Variants in MICALL2 observed in about 807,000 individuals in gnomAD.
MICALL2 encodes the protein MICAL-like protein 2.
MICALL2 carries 111 observed loss-of-function variants against 91.1 expected under a neutral mutation model. The observed-to-expected ratio is 1.22, with a 90% CI of 1.04 to 1.43. The LOEUF is 1.43. Among genes scored for constraint, MICALL2 ranks in the 40% most tolerant of loss-of-function variants. MICALL2 has a pLI of 0.00. For missense variants in MICALL2, 1,556 were observed against 1,236.0 expected (o/e 1.26, Z -3.88); for synonymous variants, 694 against 525.3 (o/e 1.32, Z -4.39).
Position 1,451,163 on chromosome 7 carries a change from G to A in MICALL2, c.144-875C>T, listed in dbSNP as rs1379100813. On this transcript the variant is annotated intron_variant, in intron 1 of 16. Transcript: ENST00000297508. The surrounding 1 kb of genome is among the most constrained non-coding windows in gnomAD (Gnocchi z 4.5). ...CCGAGGTGAGGTCCCCGGCCAGCCT[G>A]GACAGCAGGGCCCTTCTGGGGACGC... 6.6e-6 allele frequency among the ~76,000 whole-genome samples: 1 copy of A among 151,718 alleles called. No homozygotes were observed. The highest frequency in any genetic ancestry group is 2.4e-5 in the African/African-American group (1 of 41,284).
chr7:1,439,250 T>G (rs1410781340), intron 9 of MICALL2: 3 of 509,544 alleles, frequency 5.9e-6, no homozygotes, highest in Non-Finnish European at 7.0e-6. Context: ...GAGCTGGATA[T>G]GGATCCAGGG....
chr7:1,440,144 G>A, intron 8 of MICALL2, 59 bp from the exon 9 acceptor site: 1 of 1,552,706 alleles, frequency 6.4e-7, no homozygotes, highest in Non-Finnish European at 8.6e-7. Flanking sequence ...TGGCCCACCT[G>A]GAGGGGCTCC....
At position 1,439,210 on chromosome 7, in the gene MICALL2, C is replaced by T. The variant is rs780803467; in HGVS notation, c.1967-215G>A. ...GGGGGCTAACCCACGGGGCTGCTGG[C>T]TGCTCAAGGTCACACAGGAAGTGGC... On this transcript the variant is annotated intron_variant, in intron 9 of 16. Coordinates refer to ENST00000297508, the MANE Select transcript of MICALL2 (RefSeq NM_182924.4). 3 of 541,806 alleles carry T rather than the reference C, an allele frequency of 5.5e-6. No individual in the cohort carries two copies. In the South Asian group the frequency reaches 7.3e-5, roughly 13 times the overall value. 33.6% of individuals were successfully genotyped at this position (541,806 alleles called of 1,614,324 possible).
chr7:1,447,593 C>A lies in MICALL2; in HGVS notation c.507G>T (p.Gly169=). 1.3e-6 allele frequency: 2 copies of A among 1,579,704 alleles called. No individual in the cohort carries two copies. The highest frequency in any genetic ancestry group is 1.7e-6 in the Non-Finnish European group (2 of 1,163,134). The change falls in exon 4 of 17, where the codon GGG becomes GGT. Residue 169 remains glycine (G), a synonymous_variant. Transcript: ENST00000297508. ...AGCTTACAGTCTTGGGGGGCGGGCC[C>A]CCTGCACCCTCATTCCTCCTCTGGA... ...PVVQRRNEGA[G]GPPPKTDQAL... is the part of the protein sequence containing the mutation.
rs774347536 is a variant in MICALL2, at chr7:1,444,640, C to T, written c.1418+12G>A. 6 of 1,604,994 alleles carry T rather than the reference C, an allele frequency of 3.7e-6. No homozygotes were observed. Among genetic ancestry groups the T allele is most frequent in the Non-Finnish European group, 5.1e-6 (6 of 1,178,732 alleles). On this transcript the variant is annotated intron_variant, in intron 6 of 16. Transcript: ENST00000297508. ...GGCCATACCCGGGGTCCCTCGGTCC[C>T]CACGCGCTCACCTGCCAGGCGCCGG... is the stretch of plus-strand genomic sequence containing the variant.
At chr7:1,440,802 C>T in intron 7 of MICALL2, 118 bp from the exon 8 acceptor site, 1 of 818,232 alleles carries the variant, frequency 1.2e-6, no homozygotes. Context: ...TCAGACACCC[C>T]CACAGCCAGC....
chr7:1,455,865 C>G (rs1437890308), intron 1 of MICALL2, among the ~76,000 whole-genome samples: 1 of 152,014 alleles, frequency 6.6e-6, no homozygotes, highest in Non-Finnish European at 1.5e-5. Context: ...GGGGTCTTCA[C>G]TGGAAGGAGA....
At chr7:1,441,272 G>A (rs1003888695) in intron 7 of MICALL2, 4 of 159,074 alleles carry the variant, frequency 2.5e-5, no homozygotes, top group African/African-American at 7.2e-5. Context: ...AGACAGAGCC[G>A]TGCATCAAAG....
chr7:1,449,511 A>G (rs987574200), intron 2 of MICALL2, among the ~76,000 whole-genome samples: 5 of 152,248 alleles, frequency 3.3e-5, no homozygotes, highest in South Asian at 4.1e-4. Context: ...AGGTTTCACC[A>G]TGAACTTGTA....
rs1357638442 is a variant in MICALL2, at chr7:1,438,904, G to A, written c.2058C>T (p.Gly686=). The change falls in exon 10 of 17, where the codon GGC becomes GGT. Residue 686 remains glycine (G), a synonymous_variant. Coordinates refer to ENST00000297508, the MANE Select transcript of MICALL2 (RefSeq NM_182924.4). ...CDNWLRPEPP[G]QEARVQSWKE... ...TCCAGCTCTGCACTCGGGCTTCCTG[G>A]CCAGGGGGCTCCGGCCGAAGCCAGT... is the stretch of plus-strand genomic sequence containing the variant. The A allele has an allele frequency of 6.8e-6, 11 of 1,610,064 alleles. No individual in the cohort carries two copies. Among genetic ancestry groups the A allele is most frequent in the Non-Finnish European group, 9.3e-6 (11 of 1,179,574 alleles).
chr7:1,444,321 C>A (rs1372186601), intron 6 of MICALL2, among the ~76,000 whole-genome samples: 1 of 152,040 alleles, frequency 6.6e-6, no homozygotes, highest in Non-Finnish European at 1.5e-5. Context: ...CCTGTCCCCG[C>A]GTCCATGAAA....
chr7:1,443,855 G>A (rs1039237130), intron 6 of MICALL2, among the ~76,000 whole-genome samples: 4 of 152,216 alleles, frequency 2.6e-5, no homozygotes, highest in Non-Finnish European at 4.4e-5. Context: ...GCCGCCCAGT[G>A]AGGGGGTCTT....
In MICALL2 at chr7:1,438,153, T is replaced by C. The variant is rs1388002918; in HGVS notation, c.2255A>G (p.Asp752Gly). The part of the protein sequence containing the change: ...RQLQDIERRL[D>G]ALELRGVELE... ...CTCCACGCCGCGGAGCTCCAGGGCG[T>C]CCAGCCGCCTCTCGATGTCCTGCAG... The change falls in exon 12 of 17, where the codon GAC becomes GGC. Residue 752 changes from aspartate (D) to glycine (G), a missense_variant. Coordinates refer to ENST00000297508, the MANE Select transcript of MICALL2 (RefSeq NM_182924.4). The C allele has an allele frequency of 3.2e-6, 5 of 1,561,298 alleles. No homozygotes were observed. Among genetic ancestry groups the C allele is most frequent in the South Asian group, 1.2e-5 (1 of 85,028 alleles).
intron 1 of MICALL2, among the ~76,000 whole-genome samples, chr7:1,458,655 G>T (rs1036496299): frequency 6.6e-6 from 1 of 152,222 alleles, no homozygotes; most frequent in East Asian, 1.9e-4. Context: ...TCTCCATCTC[G>T]GGCCCTATCA....
chr7:1,440,629 C>G lies in MICALL2; in HGVS notation c.1767G>C (p.Ala589=). The G allele has an allele frequency of 6.2e-7, 1 of 1,612,772 alleles. No homozygotes were observed. Among genetic ancestry groups the G allele is most frequent in the Non-Finnish European group, 8.5e-7 (1 of 1,179,958 alleles). The change falls in exon 8 of 17, where the codon GCG becomes GCC. Residue 589 remains alanine (A), a synonymous_variant. Coordinates refer to ENST00000297508, the MANE Select transcript of MICALL2 (RefSeq NM_182924.4). The part of the protein sequence containing the change: ...GQEDGPAGWR[A]NLKPVDRRSP... ...TTCTCCTGTCCACGGGCTTCAGATT[C>G]GCTCTCCATCCTGCCGGCCCGTCCT...
intron 1 of MICALL2, among the ~76,000 whole-genome samples, chr7:1,458,749 C>T (rs1336853454): frequency 6.6e-6 from 1 of 152,236 alleles, no homozygotes; most frequent in Non-Finnish European, 1.5e-5. Context: ...CCCACAGTGG[C>T]CCTGGCCACA....
intron 15 of MICALL2, among the ~76,000 whole-genome samples, chr7:1,435,367 C>T (rs549092971): frequency 6.6e-6 from 1 of 151,572 alleles, no homozygotes; most frequent in South Asian, 2.1e-4. Context: ...TGACATGGTA[C>T]AGGAGGGCCC....
rs1313009196 is a variant in MICALL2 at position 1,442,269 on chromosome 7, AC to A, written c.1633del (p.Val545SerfsTer24). 1 of 1,612,460 alleles carries A rather than the reference AC, an allele frequency of 6.2e-7. No homozygotes were observed. Among genetic ancestry groups the A allele is most frequent in the Admixed American group, 1.7e-5 (1 of 59,966 alleles). ...CCTGGAGCCAGCACCCACCCTGCCG[AC>A]CCCTGAGGATTCCGCCAAGTTCCTC... ...GRRNLAESSG[V>X]GRVGAGSRPK... On this transcript the variant is annotated frameshift_variant, in exon 7 of 17. Coordinates refer to ENST00000297508, the MANE Select transcript of MICALL2 (RefSeq NM_182924.4). LOFTEE classifies it high-confidence loss of function.
At chr7:1,445,799 G>A (rs546580408) in intron 5 of MICALL2, among the ~76,000 whole-genome samples, 10 of 152,278 alleles carry the variant, frequency 6.6e-5, no homozygotes, top group African/African-American at 1.9e-4. Flanking sequence ...GCCTCACAGC[G>A]TGGGGGATGG....
Sources: allele counts gnomAD v4.1 joint callset (sites outside exome capture counted in the v4.1 genomes callset), GRCh38; gene constraint gnomAD v4.1.1; non-coding constraint Gnocchi (gnomAD v3.1); transcripts MANE v1.5; gene names NCBI Gene and HGNC (gene_info 2026-07-23, HGNC 2026-07-21).